GALNT17: variants seen among roughly 807,000 people sequenced by gnomAD.
The protein encoded by GALNT17 is UDP-GalNAc:polypeptide N-acetylgalactosaminyltransferase-like 3.
In GALNT17, 29 loss-of-function variants were observed where a neutral mutation model predicts 63.7. That is an observed-to-expected ratio of 0.46 (90% CI 0.34 to 0.62). The LOEUF (loss-of-function observed/expected upper bound fraction) is 0.62. Ranked by LOEUF, GALNT17 falls within the 20% of genes least tolerant of loss-of-function variation. The pLI is 0.01. For synonymous variants in GALNT17, 305 were observed against 318.3 expected, an observed-to-expected ratio of 0.96 and a Z score of 0.45; for missense variants, 603 against 799.6, an observed-to-expected ratio of 0.75 and a Z score of 2.97.
intron 1 of GALNT17, among the ~76,000 whole-genome samples, chr7:71,207,034 A>G (rs1167155323): frequency 4.6e-5 from 7 of 151,662 alleles, no homozygotes; most frequent in African/African-American, 1.7e-4. Context: ...TGAACCCGGG[A>G]GGTGGAGCTT....
At chr7:71,697,501 A>G (rs907991946) in intron 9 of GALNT17, among the ~76,000 whole-genome samples, 4 of 152,294 alleles carry the variant, frequency 2.6e-5, no homozygotes, top group Admixed American at 2.6e-4. Context: ...GGTGCGTAAC[A>G]GGGAGCTAAT....
chr7:71,393,585 A>G (rs934014004), intron 3 of GALNT17, among the ~76,000 whole-genome samples: 2 of 151,940 alleles, frequency 1.3e-5, no homozygotes, highest in African/African-American at 2.4e-5. Context: ...CTCTGCAAAC[A>G]TCATTTTAAT....
intron 5 of GALNT17, among the ~76,000 whole-genome samples, chr7:71,442,132 C>T (rs2116520680): frequency 6.6e-6 from 1 of 152,302 alleles, no homozygotes; most frequent in Non-Finnish European, 1.5e-5. Context: ...TTCTCCCCAA[C>T]CTCATCAGCA....
intron 1 of GALNT17, among the ~76,000 whole-genome samples, chr7:71,231,486 T>C (rs1789787590): frequency 6.6e-6 from 1 of 152,138 alleles, no homozygotes; most frequent in Non-Finnish European, 1.5e-5. Flanking sequence ...GATGGGTGTT[T>C]TAGTCGGCTT....
Position 71,559,897 on chromosome 7 carries a change from C to A in GALNT17, c.963-11388C>A, listed in dbSNP as rs866708084. The stretch of plus-strand genomic sequence containing the variant: ...AGAAACACATTTTCAACATTAAAAA[C>A]AAAAAAAAAAAAATCAGCCAGGCGC... On this transcript the variant is annotated intron_variant, in intron 5 of 10. Coordinates refer to ENST00000333538, the MANE Select transcript of GALNT17 (RefSeq NM_022479.3). Among the ~76,000 whole-genome samples, 774 of 97,586 alleles carry A rather than the reference C, an allele frequency of 7.9e-3. 11 individuals carry two copies. The highest frequency in any genetic ancestry group is 0.025 in the African/African-American group (540 of 21,574). 64.0% of individuals were successfully genotyped at this position (97,586 alleles called of 152,430 possible). A position where few individuals can be genotyped will look rare whatever the true frequency, so the allele number is the denominator to read the frequency against.
At chr7:71,446,518 C>T (rs1445768802) in intron 5 of GALNT17, among the ~76,000 whole-genome samples, 1 of 152,164 alleles carries the variant, frequency 6.6e-6, no homozygotes, top group Non-Finnish European at 1.5e-5. Flanking sequence ...CTACAAGGCT[C>T]TACCTACTCT....
At chr7:71,354,684 C>A (rs923866542) in intron 2 of GALNT17, among the ~76,000 whole-genome samples, 7 of 152,124 alleles carry the variant, frequency 4.6e-5, no homozygotes, top group Admixed American at 3.9e-4. Context: ...CTCTCTCTCT[C>A]TGCTTTCCTT....
intron 6 of GALNT17, among the ~76,000 whole-genome samples, chr7:71,633,933 G>A (rs2116994499): frequency 6.6e-6 from 1 of 152,358 alleles, no homozygotes; most frequent in Non-Finnish European, 1.5e-5. Flanking sequence ...GGGTTGGGGA[G>A]CTTGGGTGGA....
At chr7:71,334,496 G>A (rs955473453) in intron 1 of GALNT17, among the ~76,000 whole-genome samples, 6 of 152,092 alleles carry the variant, frequency 3.9e-5, no homozygotes, top group Non-Finnish European at 8.8e-5. Context: ...TATGTGTGCT[G>A]AGTAGCTGGA....
At chr7:71,481,097 G>A (rs1787809558) in intron 5 of GALNT17, among the ~76,000 whole-genome samples, 1 of 152,174 alleles carries the variant, frequency 6.6e-6, no homozygotes, top group Admixed American at 6.5e-5. Context: ...AGGCAGCTTG[G>A]AATCCCTTAC....
At position 71,377,108 on chromosome 7, in the gene GALNT17, A is replaced by AT. The variant is rs1491192562; in HGVS notation, c.423-11127_423-11126insT. Among the ~76,000 whole-genome samples the AT allele has an allele frequency of 6.0e-3, 268 of 44,968 alleles. 20 individuals carry two copies. The highest frequency in any genetic ancestry group is 0.024 in the African/African-American group (198 of 8,204). 29.5% of individuals were successfully genotyped at this position (44,968 alleles called of 152,430 possible). ...CTCAAAAAAAAAAAAAAATAAAAAT[A>AT]AAAAAAATATATATATATATATATA... On this transcript the variant is annotated intron_variant, in intron 2 of 10. Coordinates refer to ENST00000333538, the MANE Select transcript of GALNT17 (RefSeq NM_022479.3).
chr7:71,510,835 A>T (rs531103274), intron 5 of GALNT17, among the ~76,000 whole-genome samples: 3 of 152,268 alleles, frequency 2.0e-5, no homozygotes, highest in Non-Finnish European at 2.9e-5. Context: ...TTGGAGAAGA[A>T]GGTCAGGGTA....
chr7:71,429,325 A>G (rs1411175629), intron 5 of GALNT17, among the ~76,000 whole-genome samples: 2 of 152,154 alleles, frequency 1.3e-5, no homozygotes, highest in Non-Finnish European at 2.9e-5. Flanking sequence ...AATGGTAGGA[A>G]GGGAAAGGTC....
chr7:71,133,110 C>T, intron 1 of GALNT17, 70 bp downstream of exon 1: 3 of 1,329,410 alleles, frequency 2.3e-6, no homozygotes, highest in African/African-American at 1.5e-5. Context: ...CCCCAGGGTC[C>T]TTGCGCGCTG....
At chr7:71,523,143 G>T (rs1158074665) in intron 5 of GALNT17, among the ~76,000 whole-genome samples, 26 of 152,280 alleles carry the variant, frequency 1.7e-4, no homozygotes. Flanking sequence ...TACATTTTAG[G>T]AGCCAGGTGC....
chr7:71,391,595 G>C (rs1793052377), intron 3 of GALNT17, among the ~76,000 whole-genome samples: 1 of 152,080 alleles, frequency 6.6e-6, no homozygotes, highest in African/African-American at 2.4e-5. Flanking sequence ...TGATCCTCCT[G>C]TCTCAGCCCC....
At chr7:71,327,186 T>C (rs1791719744) in intron 1 of GALNT17, among the ~76,000 whole-genome samples, 1 of 152,176 alleles carries the variant, frequency 6.6e-6, no homozygotes, top group Non-Finnish European at 1.5e-5. Flanking sequence ...CTTCCAGTTG[T>C]GATTGGTAGT....
chr7:71,273,797 A>G (rs1790634565), intron 1 of GALNT17, among the ~76,000 whole-genome samples: 1 of 152,216 alleles, frequency 6.6e-6, no homozygotes, highest in Admixed American at 6.5e-5. Context: ...TGTTGGTCAA[A>G]TACAATCATG....
At chr7:71,525,486 G>A (rs562970891) in intron 5 of GALNT17, among the ~76,000 whole-genome samples, 11 of 152,006 alleles carry the variant, frequency 7.2e-5, no homozygotes, top group South Asian at 6.2e-4. Context: ...GATTACAAGC[G>A]TGAGCCACCG....
Sources: allele counts gnomAD v4.1 joint callset (sites outside exome capture counted in the v4.1 genomes callset), GRCh38; gene constraint gnomAD v4.1.1; transcripts MANE v1.5; gene names NCBI Gene and HGNC (gene_info 2026-07-23, HGNC 2026-07-21).